The following NAA11 variants were observed in gnomAD, a reference collection of about 807,000 sequenced individuals.
The protein encoded by NAA11 is N-alpha-acetyltransferase 11, NatA catalytic subunit, also known as N-alpha-acetyltransferase 11.
NAA11 carries 15 observed loss-of-function variants against 16.1 expected under a neutral mutation model. The observed-to-expected ratio is 0.93, with a 90% CI of 0.62 to 1.44. The LOEUF (loss-of-function observed/expected upper bound fraction) is 1.44. Ranked by LOEUF, NAA11 falls within the 40% of genes most tolerant of loss-of-function variation. The pLI, the probability that NAA11 is intolerant of heterozygous loss-of-function variation, is 0.00. For synonymous variants in NAA11, 122 were observed against 112.4 expected (o/e 1.09, Z -0.54); for missense variants, 298 against 291.3 (o/e 1.02, Z -0.17).
rs756752075 is a variant in NAA11 at position 79,317,610 on chromosome 4, CTT to C, written c.*192_*193del. ...GTTCCTTGGCTGTTGTGCAGTGGCT[CTT>C]GTGTCCAGGTATTCCTTCATGATCC... On this transcript the variant is annotated 3_prime_UTR_variant, in exon 2 of 2. Transcript: ENST00000286794. The C allele has an allele frequency of 9.2e-5, 14 of 152,224 alleles. No individual in the cohort carries two copies. The highest frequency in any genetic ancestry group is 1.3e-4 in the Non-Finnish European group (9 of 68,106). The allele number at this position is 152,224 out of a possible 1,614,324, so 9.4% of individuals were successfully genotyped here. A position where few individuals can be genotyped will look rare whatever the true frequency, so the allele number is the denominator to read the frequency against.
chr4:79,293,690 A>G (rs1723143165), intron 2 of NAA11, among the ~76,000 whole-genome samples: 1 of 152,186 alleles, frequency 6.6e-6, no homozygotes, highest in South Asian at 2.1e-4. Flanking sequence ...ACTCAATCTA[A>G]TGAGAATATG....
chr4:79,309,493 TG>T (rs535125985), intron 1 of NAA11, among the ~76,000 whole-genome samples: 43 of 152,298 alleles, frequency 2.8e-4, no homozygotes, highest in African/African-American at 9.4e-4. Flanking sequence ...AAACACATCT[TG>T]ATTAAGAGAT....
At chr4:79,222,881 G>A (rs1304073948), downstream of NAA11, among the ~76,000 whole-genome samples, 3 of 151,836 alleles carry the variant, frequency 2.0e-5, no homozygotes, top group Admixed American at 6.6e-5. Context: ...GCAGCCAAAA[G>A]ACACATGAAA....
At chr4:79,246,376 CTAAAAAAAAA>C (rs750086435) in intron 2 of NAA11, among the ~76,000 whole-genome samples, 21 of 114,186 alleles carry the variant, frequency 1.8e-4, no homozygotes, top group African/African-American at 7.7e-4. Context: ...TCAATAAATA[CTAAAAAAAAA>C]AAAAAAAAAA....
At chr4:79,239,283 C>T (rs773997899) in intron 2 of NAA11, among the ~76,000 whole-genome samples, 12 of 152,038 alleles carry the variant, frequency 7.9e-5, no homozygotes, top group Non-Finnish European at 1.0e-4. Flanking sequence ...ATGCCTTAAG[C>T]GAGAGATAGC....
chr4:79,290,228 T>G (rs1364591572), intron 2 of NAA11, among the ~76,000 whole-genome samples: 1 of 152,058 alleles, frequency 6.6e-6, no homozygotes, highest in Non-Finnish European at 1.5e-5. Context: ...TTGACACAGT[T>G]GTGGGAGGGT....
chr4:79,249,000 C>T (rs563114853), intron 2 of NAA11, among the ~76,000 whole-genome samples: 1 of 152,194 alleles, frequency 6.6e-6, no homozygotes, highest in Non-Finnish European at 1.5e-5. Context: ...AGCCCCCCCC[C>T]AGTGCAGCAG....
At chr4:79,170,146 G>T in the NAA11 span, among the ~76,000 whole-genome samples, 1 of 152,106 alleles carries the variant, frequency 6.6e-6, no homozygotes. Context: ...TTCCACCTAG[G>T]GCCAGCTTCA....
At chr4:79,188,903 T>G in the NAA11 span, among the ~76,000 whole-genome samples, 2 of 151,748 alleles carry the variant, frequency 1.3e-5, no homozygotes, top group Non-Finnish European at 2.9e-5. Context: ...GACCCTGCCC[T>G]GGGGATCACC....
At chr4:79,167,881 T>A in the NAA11 span, among the ~76,000 whole-genome samples, 1 of 152,154 alleles carries the variant, frequency 6.6e-6, no homozygotes, top group Non-Finnish European at 1.5e-5. Flanking sequence ...TATTTATTTA[T>A]TTTATTGTAC....
At chr4:79,225,360 A>AT (rs1443850076), downstream of NAA11, among the ~76,000 whole-genome samples, 2 of 152,064 alleles carry the variant, frequency 1.3e-5, no homozygotes, top group Non-Finnish European at 2.9e-5. Flanking sequence ...AAGAGCTGTG[A>AT]TTTTTTTAAA....
intron 2 of NAA11, among the ~76,000 whole-genome samples, chr4:79,264,077 T>C (rs780257165): frequency 6.6e-6 from 1 of 152,182 alleles, no homozygotes; most frequent in Non-Finnish European, 1.5e-5. Flanking sequence ...TTTGCATGTA[T>C]TGTCTCTTCT....
intron 2 of NAA11, among the ~76,000 whole-genome samples, chr4:79,291,663 G>A (rs1282460670): frequency 6.6e-6 from 1 of 152,068 alleles, no homozygotes; most frequent in African/African-American, 2.4e-5. Context: ...GACAGAGGTT[G>A]CGGTGAGCCA....
At chr4:79,178,300 T>C in the NAA11 span, among the ~76,000 whole-genome samples, 18 of 152,160 alleles carry the variant, frequency 1.2e-4, no homozygotes, top group Non-Finnish European at 2.1e-4. Context: ...GCGAACAATA[T>C]TTAATAATTG....
At chr4:79,190,089 TATCATGTGTAA>T in the NAA11 span, among the ~76,000 whole-genome samples, 1 of 152,174 alleles carries the variant, frequency 6.6e-6, no homozygotes, top group Non-Finnish European at 1.5e-5. Context: ...AAAGCTAAAT[TATCATGTGTAA>T]AGCACTTCAA....
chr4:79,273,954 G>A (rs1219685022), intron 2 of NAA11, among the ~76,000 whole-genome samples: 1 of 152,026 alleles, frequency 6.6e-6, no homozygotes, highest in African/African-American at 2.4e-5. Flanking sequence ...AGGCCACCAA[G>A]AAGCCAGAGC....
the NAA11 span, among the ~76,000 whole-genome samples, chr4:79,167,280 G>C: frequency 7.1e-6 from 1 of 141,020 alleles, no homozygotes; most frequent in South Asian, 2.3e-4. Context: ...TAGAGAGAGA[G>C]AGAGAGAGAG....
chr4:79,219,199 A>G, the NAA11 span, among the ~76,000 whole-genome samples: 1 of 152,128 alleles, frequency 6.6e-6, no homozygotes, highest in African/African-American at 2.4e-5. Flanking sequence ...AGCATTCAAT[A>G]TGAGTGGAAG....
chr4:79,257,646 T>C (rs943934678), intron 2 of NAA11, among the ~76,000 whole-genome samples: 18 of 152,280 alleles, frequency 1.2e-4, no homozygotes, highest in Middle Eastern at 3.4e-3. Context: ...ATTTTGGTGT[T>C]TGATCTTTAT....
Sources: allele counts gnomAD v4.1 joint callset (sites outside exome capture counted in the v4.1 genomes callset), GRCh38; gene constraint gnomAD v4.1.1; transcripts MANE v1.5; gene names NCBI Gene and HGNC (gene_info 2026-07-23, HGNC 2026-07-21).